The following ERC1 variants were observed in gnomAD, a reference collection of about 807,000 sequenced individuals.
ERC1 encodes ELKS/RAB6-interacting/CAST family member 1, also known as RAB6 interacting protein 2.
A neutral mutation model predicts 132.0 loss-of-function variants in ERC1; 56 were observed. The observed-to-expected ratio is 0.42, with a 90% confidence interval of 0.34 to 0.53. ERC1 has a LOEUF of 0.53. Ranked by LOEUF, ERC1 falls within the 20% of genes least tolerant of loss-of-function variation. The pLI, the probability that ERC1 is intolerant of heterozygous loss-of-function variation, is 0.03. For synonymous variants in ERC1, 478 were observed against 476.1 expected (o/e 1.00, Z -0.05); for missense variants, 1,202 against 1,349.9 (o/e 0.89, Z 1.72).
At chr12:1,079,889 A>T (rs976653092) in intron 2 of ERC1, among the ~76,000 whole-genome samples, 4 of 152,192 alleles carry the variant, frequency 2.6e-5, no homozygotes, top group African/African-American at 9.6e-5. Flanking sequence ...GATTTGTAAT[A>T]TGACAAAAGT....
At chr12:1,348,671 C>G (rs115577153) in intron 15 of ERC1, among the ~76,000 whole-genome samples, 1,830 of 150,456 alleles carry the variant, frequency 0.012, 36 homozygotes, top group African/African-American at 0.042. Flanking sequence ...CCAGCCCAGG[C>G]AACAGAGTGA....
intron 1 of ERC1, among the ~76,000 whole-genome samples, chr12:1,002,130 G>A (rs1408851985): frequency 7.1e-5 from 10 of 141,306 alleles, no homozygotes; most frequent in Non-Finnish European, 1.5e-5. Flanking sequence ...TCAAAGTGCT[G>A]GGATCACAGG....
Position 1,262,765 on chromosome 12 carries a change from A to T in ERC1, c.2488-269A>T, listed in dbSNP as rs1199504369. ...CCTTGCCACCTCTGCTGTCTAACAC[A>T]GTTTTGTTCTCTCTGTTACAGAGAG... On this transcript the variant is annotated intron_variant, in intron 13 of 18. Transcript: ENST00000360905. 2.0e-5 allele frequency among the ~76,000 whole-genome samples: 3 copies of T among 152,164 alleles called. No homozygotes were observed. The East Asian group carries it at 5.8e-4, about 29-fold the overall frequency.
intron 8 of ERC1, among the ~76,000 whole-genome samples, chr12:1,175,450 G>C (rs558632051): frequency 7.1e-6 from 1 of 140,902 alleles, no homozygotes; most frequent in Admixed American, 7.2e-5. Context: ...TCTTCACCAA[G>C]AGTAGATTCT....
intron 3 of ERC1, among the ~76,000 whole-genome samples, chr12:1,093,094 A>G (rs1258207423): frequency 2.0e-5 from 3 of 152,246 alleles, no homozygotes; most frequent in Non-Finnish European, 2.9e-5. Flanking sequence ...TTGATGAAAT[A>G]AGATAGCATT....
intron 18 of ERC1, among the ~76,000 whole-genome samples, chr12:1,459,030 G>A (rs1472686186): frequency 6.6e-6 from 1 of 152,148 alleles, no homozygotes; most frequent in Non-Finnish European, 1.5e-5. Context: ...AGAGTGGTGG[G>A]GATGTATCAA....
At chr12:1,341,043 G>C (rs1448388511) in intron 15 of ERC1, among the ~76,000 whole-genome samples, 4 of 116,804 alleles carry the variant, frequency 3.4e-5, no homozygotes. Context: ...ATTTTTCCTT[G>C]AATGTCCACT....
chr12:1,123,681 C>T (rs989946922), intron 7 of ERC1, among the ~76,000 whole-genome samples: 2 of 152,156 alleles, frequency 1.3e-5, no homozygotes, highest in Admixed American at 1.3e-4. Flanking sequence ...GATCGATGCA[C>T]CTAACAGCAT....
intron 2 of ERC1, among the ~76,000 whole-genome samples, chr12:1,082,518 T>G (rs1942378019): frequency 6.9e-6 from 1 of 144,900 alleles, no homozygotes; most frequent in South Asian, 2.2e-4. Context: ...AGACAGAGTT[T>G]CACTCTTGTT....
chr12:1,126,320 G>A (rs1311010990), intron 7 of ERC1, among the ~76,000 whole-genome samples: 1 of 152,172 alleles, frequency 6.6e-6, no homozygotes, highest in Non-Finnish European at 1.5e-5. Context: ...GGAAGGAGCA[G>A]ATATGAAAAG....
At chr12:1,164,231 TTTTTATTTTATTTTA>T (rs201747298) in intron 8 of ERC1, among the ~76,000 whole-genome samples, 14 of 136,010 alleles carry the variant, frequency 1.0e-4, no homozygotes, top group Admixed American at 1.5e-4. Flanking sequence ...GAACCTGCCC[TTTTTATTTTATTTTA>T]TTTTATTTTA....
chr12:1,049,290 C>T (rs186743931), intron 2 of ERC1, among the ~76,000 whole-genome samples: 14 of 152,336 alleles, frequency 9.2e-5, no homozygotes, highest in East Asian at 5.8e-4. Context: ...TTGGCAAAAA[C>T]GTTGCCTGCT....
intron 2 of ERC1, among the ~76,000 whole-genome samples, chr12:1,068,433 G>T (rs1939687413): frequency 6.6e-6 from 1 of 151,750 alleles, no homozygotes; most frequent in Non-Finnish European, 1.5e-5. Context: ...TTCTCTTCTG[G>T]CCCTTTCTTA....
intron 17 of ERC1, among the ~76,000 whole-genome samples, chr12:1,418,595 CTTTCTTTCTTTCTTTCTT>C (rs1565395140): frequency 5.5e-4 from 21 of 38,038 alleles, no homozygotes; most frequent in Non-Finnish European, 1.1e-3. Context: ...CTTTCTCTTT[CTTTCTTTCTTTCTTTCTT>C]TCTTTCTTTC....
intron 18 of ERC1, among the ~76,000 whole-genome samples, chr12:1,446,754 A>G (rs2093314009): frequency 6.6e-6 from 1 of 152,200 alleles, no homozygotes; most frequent in Non-Finnish European, 1.5e-5. Flanking sequence ...CTAGTTACCC[A>G]TCATTTATTT....
At position 1,115,917 on chromosome 12, in the gene ERC1, CT is replaced by C; in HGVS notation, c.1454del (p.Leu485ArgfsTer5). 6.2e-7 allele frequency: 1 copy of C among 1,614,116 alleles called. No homozygotes were observed. ...LSRKDTELLALQTKLETLTNQ... is the reference protein window; with the variant it reads ...LSRKDTELLAXQTKLETLTNQ... ...CAGAAAGGACACAGAACTACTCGCC[CT>C]GCAGACAAAGCTAGAAACACTCACA... is the stretch of plus-strand genomic sequence containing the variant. On this transcript the variant is annotated frameshift_variant, in exon 7 of 19. Coordinates refer to ENST00000360905, the MANE Select transcript of ERC1 (RefSeq NM_178040.4). LOFTEE classifies it high-confidence loss of function.
At chr12:1,431,109 C>G (rs1277151390) in intron 17 of ERC1, among the ~76,000 whole-genome samples, 1 of 152,192 alleles carries the variant, frequency 6.6e-6, no homozygotes, top group African/African-American at 2.4e-5. Context: ...CCTGAAAGTT[C>G]TATAACCGCT....
intron 8 of ERC1, among the ~76,000 whole-genome samples, chr12:1,179,143 A>G (rs1954075728): frequency 6.6e-6 from 1 of 152,138 alleles, no homozygotes; most frequent in Non-Finnish European, 1.5e-5. Context: ...TACTTGAGTG[A>G]TAACATGCTA....
At chr12:1,285,942 G>A (rs1482018394) in intron 14 of ERC1, among the ~76,000 whole-genome samples, 1 of 152,112 alleles carries the variant, frequency 6.6e-6, no homozygotes, top group African/African-American at 2.4e-5. Context: ...AGAAAAATGT[G>A]CATGAGCAAG....
Sources: gnomAD v4.1 joint callset for allele counts (sites outside exome capture counted in the v4.1 genomes callset) on GRCh38, gnomAD v4.1.1 for gene constraint, MANE v1.5 for transcripts, NCBI Gene and HGNC (gene_info 2026-07-23, HGNC 2026-07-21) for gene names.